MOB3B: variants seen among roughly 807,000 people sequenced by gnomAD.
The protein encoded by MOB3B is MOB kinase activator-like 2B.
In MOB3B, 7 loss-of-function variants were observed where a neutral mutation model predicts 18.7. The observed-to-expected ratio is 0.37, with a 90% CI of 0.21 to 0.70. The LOEUF (loss-of-function observed/expected upper bound fraction) is 0.70. MOB3B is among the 30% of genes least tolerant of loss of function. The probability of loss-of-function intolerance (pLI) is 0.52; values close to 1 mark genes in which losing one functional copy is unlikely to be tolerated. For synonymous variants in MOB3B, 111 were observed against 99.9 expected (o/e 1.11, Z -0.66); for missense variants, 253 against 281.3 (o/e 0.90, Z 0.72).
At chr9:27,527,157 T>C (rs1423119892) in intron 1 of MOB3B, among the ~76,000 whole-genome samples, 1 of 152,242 alleles carries the variant, frequency 6.6e-6, no homozygotes, top group African/African-American at 2.4e-5. Flanking sequence ...ACTTCCACTA[T>C]AATTACCCTG....
chr9:27,364,729 T>C (rs1290914732), intron 2 of MOB3B, among the ~76,000 whole-genome samples: 1 of 151,984 alleles, frequency 6.6e-6, no homozygotes, highest in Non-Finnish European at 1.5e-5. Flanking sequence ...TGCAGATTAA[T>C]TACATAAACA....
intron 1 of MOB3B, among the ~76,000 whole-genome samples, chr9:27,512,444 C>G (rs1238114758): frequency 6.6e-6 from 1 of 152,176 alleles, no homozygotes; most frequent in East Asian, 1.9e-4. Flanking sequence ...AAACTAGGTT[C>G]TACTCTAAGT....
chr9:27,473,237 G>A (rs762997089), intron 1 of MOB3B, among the ~76,000 whole-genome samples: 2 of 152,190 alleles, frequency 1.3e-5, no homozygotes, highest in Non-Finnish European at 2.9e-5. Flanking sequence ...AGCTGAGCTC[G>A]CTGTCCTGAA....
At chr9:27,357,085 A>G (rs1246850162) in intron 3 of MOB3B, among the ~76,000 whole-genome samples, 2 of 120,020 alleles carry the variant, frequency 1.7e-5, no homozygotes, top group African/African-American at 5.8e-5. Context: ...GTAACCCAAA[A>G]AGTCTTGCTT....
At chr9:27,505,829 G>T (rs528510138) in intron 1 of MOB3B, among the ~76,000 whole-genome samples, 56 of 152,270 alleles carry the variant, frequency 3.7e-4, no homozygotes, top group African/African-American at 1.3e-3. Context: ...AGGTGTCTCA[G>T]CTCTGCCTGG....
intron 1 of MOB3B, among the ~76,000 whole-genome samples, chr9:27,463,359 A>C (rs1819323591): frequency 6.6e-6 from 1 of 152,328 alleles, no homozygotes; most frequent in South Asian, 2.1e-4. Context: ...TCACAGAACC[A>C]GTAAGTAGCC....
intron 1 of MOB3B, chr9:27,525,065 C>A: frequency 1.0e-6 from 1 of 961,036 alleles, no homozygotes; most frequent in Non-Finnish European, 1.5e-6. Flanking sequence ...TAAGCCTGTC[C>A]TCAGTTGGAC....
At chr9:27,465,550 A>G (rs1045530152) in intron 1 of MOB3B, among the ~76,000 whole-genome samples, 3 of 152,174 alleles carry the variant, frequency 2.0e-5, no homozygotes, top group Admixed American at 6.5e-5. Context: ...AGCTCCACCA[A>G]GCAGTGCCCC....
In MOB3B at chr9:27,524,350, C is replaced by G. The variant is rs767999820; in HGVS notation, c.-199+5205G>C. 54 of 1,611,572 alleles carry G rather than the reference C, an allele frequency of 3.4e-5. No homozygotes were observed. The highest frequency in any genetic ancestry group is 4.4e-5 in the Non-Finnish European group (52 of 1,178,872). ...CTTGCAAAAAAAATGAGCACCAAACCTGATATGATTCAAAAGTGTTTGTGG... is the reference window on the plus strand; with the variant it reads ...CTTGCAAAAAAAATGAGCACCAAACGTGATATGATTCAAAAGTGTTTGTGG... On this transcript the variant is annotated intron_variant, in intron 1 of 3. Transcript: ENST00000262244.
In MOB3B at chr9:27,463,923, C is replaced by A. The variant is rs1016356901; in HGVS notation, c.-198-8175G>T. ...AGTGAGCCATGATTGCACCACCGTGCTCCAGCCTGGGCAGCAGCATGAGAC... is the reference window on the plus strand; with the variant it reads ...AGTGAGCCATGATTGCACCACCGTGATCCAGCCTGGGCAGCAGCATGAGAC... On this transcript the variant is annotated intron_variant, in intron 1 of 3. Coordinates refer to ENST00000262244, the MANE Select transcript of MOB3B (RefSeq NM_024761.5). Among the ~76,000 whole-genome samples, 9 of 152,062 alleles carry A rather than the reference C, an allele frequency of 5.9e-5. No homozygotes were observed. In the South Asian group the frequency reaches 1.9e-3, roughly 32 times the overall value.
At chr9:27,517,783 G>A (rs73440909) in intron 1 of MOB3B, among the ~76,000 whole-genome samples, 2 of 151,512 alleles carry the variant, frequency 1.3e-5, no homozygotes, top group African/African-American at 2.4e-5. Flanking sequence ...TTGAGTGTAC[G>A]CTGTGTGCTA....
At chr9:27,449,453 G>A (rs1822747977) in intron 2 of MOB3B, among the ~76,000 whole-genome samples, 1 of 152,170 alleles carries the variant, frequency 6.6e-6, no homozygotes, top group African/African-American at 2.4e-5. Context: ...CAACAGTCCT[G>A]TGGAGGTCAC....
chr9:27,424,954 T>C (rs1822305210), intron 2 of MOB3B, among the ~76,000 whole-genome samples: 1 of 152,242 alleles, frequency 6.6e-6, no homozygotes. Context: ...CATTCTGCTC[T>C]AGGGTTCTGT....
rs78442879 is a variant in MOB3B, at chr9:27,417,477, C to T, written c.418+37656G>A. ...GAGACACCCTGTGCTTTAAATGGAA[C>T]AATAAAGTTTCCTTTGAGTGATCTT... On this transcript the variant is annotated intron_variant, in intron 2 of 3. Transcript: ENST00000262244. 2.6e-3 allele frequency among the ~76,000 whole-genome samples: 389 copies of T among 152,300 alleles called. 1 individual carries two copies. The highest frequency in any genetic ancestry group is 8.7e-3 in the African/African-American group (363 of 41,568).
At chr9:27,364,417 T>C (rs7019831) in intron 2 of MOB3B, among the ~76,000 whole-genome samples, 22,673 of 152,138 alleles carry the variant, frequency 0.15, 2,657 homozygotes, top group African/African-American at 0.32. Flanking sequence ...ACCAAATATA[T>C]TGGCAAAAAT....
At position 27,327,376 on chromosome 9, in the gene MOB3B, C is replaced by T. The variant is rs919280944; in HGVS notation, c.*3211G>A. On this transcript the variant is annotated 3_prime_UTR_variant, in exon 4 of 4. Transcript: ENST00000262244. ...AAAAGAGACAAGTAGACATTATGTG[C>T]TTCCTGAGGTGAGGCAGTAGTAAGG... 1 of 152,098 alleles carries T rather than the reference C, an allele frequency of 6.6e-6. No individual in the cohort carries two copies. Among genetic ancestry groups the T allele is most frequent in the Non-Finnish European group, 1.5e-5 (1 of 68,026 alleles). 9.4% of individuals were successfully genotyped at this position (152,098 alleles called of 1,614,324 possible).
chr9:27,342,555 G>A (rs911339842), intron 3 of MOB3B, among the ~76,000 whole-genome samples: 11 of 151,792 alleles, frequency 7.2e-5, no homozygotes, highest in African/African-American at 1.2e-4. Context: ...TTGGCTCACC[G>A]CAACCTCCCT....
chr9:27,345,662 A>G (rs1821022547), intron 3 of MOB3B, among the ~76,000 whole-genome samples: 1 of 152,208 alleles, frequency 6.6e-6, no homozygotes, highest in African/African-American at 2.4e-5. Flanking sequence ...ATCCATAGTC[A>G]TCAAACTCCT....
intron 1 of MOB3B, among the ~76,000 whole-genome samples, chr9:27,508,741 ACAG>A: frequency 6.6e-6 from 1 of 152,296 alleles, no homozygotes; most frequent in Middle Eastern, 3.4e-3. Context: ...TTGTCCCCAG[ACAG>A]CGATTTGTAG....
Sources: allele counts gnomAD v4.1 joint callset (sites outside exome capture counted in the v4.1 genomes callset), GRCh38; gene constraint gnomAD v4.1.1; transcripts MANE v1.5; gene names NCBI Gene and HGNC (gene_info 2026-07-23, HGNC 2026-07-21).